Variants in CCDC171 observed in about 807,000 individuals in gnomAD.
CCDC171 encodes the protein coiled-coil domain containing 171.
A neutral mutation model predicts 168.2 loss-of-function variants in CCDC171; 177 were observed. The observed-to-expected ratio is 1.05, with a 90% CI of 0.93 to 1.19. CCDC171 has a LOEUF of 1.19. CCDC171 is among the 50% of genes most tolerant of loss of function. The pLI, the probability that CCDC171 is intolerant of heterozygous loss-of-function variation, is 0.00. For missense variants in CCDC171, 1,991 were observed against 1,539.0 expected, an observed-to-expected ratio of 1.29 and a Z score of -4.91; for synonymous variants, 687 against 540.8, an observed-to-expected ratio of 1.27 and a Z score of -3.75.
At chr9:15,937,332 A>G (rs1164067904) in intron 25 of CCDC171, among the ~76,000 whole-genome samples, 1 of 152,034 alleles carries the variant, frequency 6.6e-6, no homozygotes, top group East Asian at 1.9e-4. Context: ...GAACCTCATT[A>G]AACAGTTTTT....
At chr9:15,663,808 G>C (rs370300179) in intron 8 of CCDC171, among the ~76,000 whole-genome samples, 1 of 151,848 alleles carries the variant, frequency 6.6e-6, no homozygotes, top group Admixed American at 6.6e-5. Flanking sequence ...GGGTTTCACC[G>C]TGTTAGCCAG....
Position 15,744,376 on chromosome 9 carries a change from C to G in CCDC171, c.2153C>G (p.Ser718Ter). The change falls in exon 17 of 26, where the codon TCA (serine) becomes TGA (stop). Residue 718 changes from serine to a stop codon, truncating the protein, a stop_gained. Transcript: ENST00000380701. LOFTEE classifies it high-confidence loss of function. ...AATTCGCACTTCAAAAAACTGTTAT[C>G]ACAGACTCAAAGGGAACAGATGTCC... ...LENSHFKKLL[S>*]QTQREQMSLL... The G allele has an allele frequency of 6.2e-7, 1 of 1,614,134 alleles. No homozygotes were observed. Among genetic ancestry groups the G allele is most frequent in the Non-Finnish European group, 8.5e-7 (1 of 1,180,008 alleles).
chr9:15,801,388 T>C (rs1367533666), intron 21 of CCDC171, among the ~76,000 whole-genome samples: 1 of 152,004 alleles, frequency 6.6e-6, no homozygotes, highest in East Asian at 1.9e-4. Flanking sequence ...GTAAATGGGA[T>C]TACTTTTTTT....
chr9:16,104,574 A>C, the CCDC171 span, among the ~76,000 whole-genome samples: 2 of 152,158 alleles, frequency 1.3e-5, no homozygotes, highest in African/African-American at 2.4e-5. Context: ...AGGCAGGATT[A>C]CAGGAAGATG....
At chr9:16,020,561 C>T (rs1833135241) in intron 3 of CCDC171, 1 of 154,352 alleles carries the variant, frequency 6.5e-6, no homozygotes, top group African/African-American at 2.4e-5. Flanking sequence ...CATTTTGTGA[C>T]TTCTCCTTTA....
At chr9:15,913,530 C>A (rs920430249) in intron 24 of CCDC171, among the ~76,000 whole-genome samples, 6 of 152,262 alleles carry the variant, frequency 3.9e-5, no homozygotes, top group African/African-American at 1.4e-4. Flanking sequence ...CTATCTCCTT[C>A]AGTTCTGCCG....
intron 3 of CCDC171, among the ~76,000 whole-genome samples, chr9:15,577,954 G>C (rs981992831): frequency 2.0e-5 from 3 of 152,194 alleles, no homozygotes; most frequent in Admixed American, 6.5e-5. Context: ...TGAGAAGCCA[G>C]TTGTCTCTGA....
chr9:15,658,574 G>C (rs570084043), intron 8 of CCDC171, among the ~76,000 whole-genome samples: 1 of 152,140 alleles, frequency 6.6e-6, no homozygotes, highest in Non-Finnish European at 1.5e-5. Flanking sequence ...TCTTGAGATG[G>C]GAGTTTGTCC....
At chr9:15,791,986 T>C (rs2135604029) in intron 21 of CCDC171, among the ~76,000 whole-genome samples, 1 of 152,214 alleles carries the variant, frequency 6.6e-6, no homozygotes, top group Middle Eastern at 3.4e-3. Flanking sequence ...ATGACTTTGA[T>C]GAGTTGAGAG....
chr9:15,851,226 C>T (rs976101435), intron 23 of CCDC171, among the ~76,000 whole-genome samples: 5 of 151,868 alleles, frequency 3.3e-5, no homozygotes, highest in African/African-American at 1.2e-4. Flanking sequence ...CTATATTACA[C>T]AGAACAGTTG....
intron 3 of CCDC171, among the ~76,000 whole-genome samples, chr9:15,985,350 G>A (rs1351227849): frequency 2.0e-5 from 3 of 152,146 alleles, no homozygotes; most frequent in Non-Finnish European, 4.4e-5. Flanking sequence ...CCTTTAGTCA[G>A]ATTACTTCCT....
intron 21 of CCDC171, among the ~76,000 whole-genome samples, chr9:15,830,850 A>G (rs2060199788): frequency 6.6e-6 from 1 of 152,134 alleles, no homozygotes; most frequent in Non-Finnish European, 1.5e-5. Flanking sequence ...AATTGAACAT[A>G]GAGACCCTGT....
At chr9:15,785,710 C>T (rs1330083031) in intron 21 of CCDC171, among the ~76,000 whole-genome samples, 1 of 152,020 alleles carries the variant, frequency 6.6e-6, no homozygotes, top group East Asian at 1.9e-4. Flanking sequence ...ACATAACTTA[C>T]ACATTTCTTA....
chr9:15,808,276 C>G (rs1183849603), intron 21 of CCDC171, among the ~76,000 whole-genome samples: 1 of 152,118 alleles, frequency 6.6e-6, no homozygotes, highest in African/African-American at 2.4e-5. Context: ...GATAGAAATA[C>G]AAATGGAGGG....
At chr9:15,707,320 ACTTTT>A (rs2052324919) in intron 11 of CCDC171, among the ~76,000 whole-genome samples, 1 of 152,102 alleles carries the variant, frequency 6.6e-6, no homozygotes, top group South Asian at 2.1e-4. Context: ...ACATTTTTTG[ACTTTT>A]CTTAATGCAA....
intron 18 of CCDC171, among the ~76,000 whole-genome samples, chr9:15,769,365 C>T (rs1430970654): frequency 1.3e-5 from 2 of 151,996 alleles, no homozygotes; most frequent in African/African-American, 4.8e-5. Flanking sequence ...ATCTCTTAAC[C>T]AGGGGTTCAT....
Position 15,880,904 on chromosome 9 carries a change from G to T in CCDC171, c.3600+6241G>T, listed in dbSNP as rs1818557004. Among the ~76,000 whole-genome samples, 3 of 152,254 alleles carry T rather than the reference G, an allele frequency of 2.0e-5. No homozygotes were observed. The South Asian group carries it at 6.2e-4, about 32-fold the overall frequency. ...AATACTACCCAGAGAAGAGCTATTT[G>T]TTAGGGAAATACAATTAGCTGGCAA... On this transcript the variant is annotated intron_variant, in intron 24 of 25. Coordinates refer to ENST00000380701, the MANE Select transcript of CCDC171 (RefSeq NM_173550.4).
chr9:15,875,941 T>C (rs1362859985), intron 24 of CCDC171: 1 of 152,166 alleles, frequency 6.6e-6, no homozygotes. Flanking sequence ...TCAGTATTTA[T>C]GAATTCATCA....
chr9:15,722,665 T>G (rs2053560302), intron 12 of CCDC171, among the ~76,000 whole-genome samples: 1 of 152,222 alleles, frequency 6.6e-6, no homozygotes, highest in Non-Finnish European at 1.5e-5. Context: ...TATCTCTTTC[T>G]TTCATATAAT....
Sources: gnomAD v4.1 joint callset for allele counts (sites outside exome capture counted in the v4.1 genomes callset) on GRCh38, gnomAD v4.1.1 for gene constraint, MANE v1.5 for transcripts, NCBI Gene and HGNC (gene_info 2026-07-23, HGNC 2026-07-21) for gene names.